The following MMAA variants were observed in gnomAD, a reference collection of about 807,000 sequenced individuals.
MMAA encodes the protein metabolism of cobalamin associated A.
Under a neutral mutation model 45.0 loss-of-function variants are expected in MMAA, and 41 were observed. The ratio of observed to expected loss-of-function variants is 0.91; its 90% CI spans 0.71 to 1.18. MMAA has a LOEUF of 1.18. Among genes scored for constraint, MMAA ranks in the 50% most tolerant of loss-of-function variants. The pLI, the probability that MMAA is intolerant of heterozygous loss-of-function variation, is 0.00. For synonymous variants in MMAA, 154 were observed against 178.2 expected (o/e 0.86, Z 1.08); for missense variants, 460 against 495.7 (o/e 0.93, Z 0.68).
At chr4:145,630,793 A>G (rs1402750968) in intron 1 of MMAA, among the ~76,000 whole-genome samples, 1 of 152,144 alleles carries the variant, frequency 6.6e-6, no homozygotes, top group Non-Finnish European at 1.5e-5. Flanking sequence ...ACGTATAGCT[A>G]TAAACTTCCC....
At chr4:145,625,512 A>G in intron 1 of MMAA, 2 of 735,562 alleles carry the variant, frequency 2.7e-6, no homozygotes, top group Non-Finnish European at 5.1e-6. Context: ...GAAGGGCCCA[A>G]TATTTGATGA....
At chr4:145,640,035 T>C (rs1394595815) in intron 2 of MMAA, among the ~76,000 whole-genome samples, 4 of 152,216 alleles carry the variant, frequency 2.6e-5, no homozygotes, top group African/African-American at 4.8e-5. Flanking sequence ...GTACTTTTTA[T>C]TGAGTTTCTC....
At chr4:145,646,191 A>G (rs371897312) in intron 4 of MMAA, 35 bp downstream of exon 4, 12 of 1,607,854 alleles carry the variant, frequency 7.5e-6, no homozygotes, top group South Asian at 5.5e-5. Context: ...ACAATGTACT[A>G]TTTTATGAAT....
At position 145,655,545 on chromosome 4, in the gene MMAA, CTTTG is replaced by C. The variant is rs1728207202; in HGVS notation, c.*117_*120del. ...AATTATTGTATGGTGCTCTTGTCTT[CTTTG>C]TTTGTGACCCATGCTTGAAAACTTG... is the stretch of plus-strand genomic sequence containing the variant. On this transcript the variant is annotated 3_prime_UTR_variant, in exon 7 of 7. Transcript: ENST00000649156. The C allele has an allele frequency of 1.9e-6, 2 of 1,080,796 alleles. No individual in the cohort carries two copies. Among genetic ancestry groups the C allele is most frequent in the Non-Finnish European group, 1.3e-6 (1 of 767,664 alleles). The allele number at this position is 1,080,796 out of a possible 1,614,324, so 67.0% of individuals were successfully genotyped here.
chr4:145,638,182 A>G (rs757447770), intron 1 of MMAA, among the ~76,000 whole-genome samples: 10 of 152,024 alleles, frequency 6.6e-5, no homozygotes, highest in African/African-American at 1.2e-4. Flanking sequence ...GTCCTGGCTA[A>G]CACAGTGAAA....
Position 145,639,585 on chromosome 4 carries a change from C to CT in MMAA, c.439+13dup. 2 of 1,603,498 alleles carry CT rather than the reference C, an allele frequency of 1.2e-6. No homozygotes were observed. Among genetic ancestry groups the CT allele is most frequent in the Non-Finnish European group, 1.7e-6 (2 of 1,174,092 alleles). On this transcript the variant is annotated splice_region_variant and intron_variant, in intron 2 of 6. Coordinates refer to ENST00000649156, the MANE Select transcript of MMAA (RefSeq NM_172250.3). ...CCACTAGCATTTCGAGTAGGTCAGT[C>CT]TTTTTTGTGTGTTTTCTCAGTAAAT...
At chr4:145,623,945 A>T (rs1342539943) in intron 1 of MMAA, among the ~76,000 whole-genome samples, 1 of 152,232 alleles carries the variant, frequency 6.6e-6, no homozygotes, top group Non-Finnish European at 1.5e-5. Flanking sequence ...GAAGGAAGGA[A>T]CTGAATCAGC....
At position 145,654,099 on chromosome 4, in the gene MMAA, G is replaced by A; in HGVS notation, c.925G>A (p.Ala309Thr). The A allele has an allele frequency of 6.2e-7, 1 of 1,614,144 alleles. No homozygotes were observed. Among genetic ancestry groups the A allele is most frequent in the Non-Finnish European group, 8.5e-7 (1 of 1,180,016 alleles). Reference sequence around the variant, plus strand: ...AAGGATACAAGCGGAATATGTGAGTGCACTGAAATTACTCCGCAAACGTTC... The same window carrying A: ...AAGGATACAAGCGGAATATGTGAGTACACTGAAATTACTCCGCAAACGTTC... The part of the protein sequence containing the change: ...ARRIQAEYVS[A>T]LKLLRKRSQV... The change falls in exon 6 of 7, where the codon GCA becomes ACA. Residue 309 changes from alanine to threonine, a missense_variant. By Grantham distance (58) the Ala-to-Thr change is moderately conservative. Transcript: ENST00000649156.
rs997162206 is a variant in MMAA, at chr4:145,647,958, G to A, written c.733+1802G>A. ...TGCAACCTCCGCCTCCCGGGTTCAC[G>A]CCATTCTCCTACCTCAGCCTCCCCA... On this transcript the variant is annotated intron_variant, in intron 4 of 6. Coordinates refer to ENST00000649156, the MANE Select transcript of MMAA (RefSeq NM_172250.3). Among the ~76,000 whole-genome samples, 6 of 142,706 alleles carry A rather than the reference G, an allele frequency of 4.2e-5. No homozygotes were observed. In the East Asian group the frequency reaches 8.6e-4, roughly 20 times the overall value. The allele number at this position is 142,706 out of a possible 152,430, so 93.6% of individuals were successfully genotyped here. A position where few individuals can be genotyped will look rare whatever the true frequency, so the allele number is the denominator to read the frequency against.
At position 145,631,112 on chromosome 4, in the gene MMAA, T is replaced by C. The variant is rs187688836; in HGVS notation, c.-65-7963T>C. 3.6e-3 allele frequency among the ~76,000 whole-genome samples: 549 copies of C among 152,350 alleles called. 2 individuals carry two copies. Among genetic ancestry groups the C allele is most frequent in the African/African-American group, 0.012 (500 of 41,592 alleles). On this transcript the variant is annotated intron_variant, in intron 1 of 6. Coordinates refer to ENST00000649156, the MANE Select transcript of MMAA (RefSeq NM_172250.3). ...ATGATCCATGTACCAAAGAGAAGAA[T>C]GTGTTTTCCACAGCCATTGGATGAA...
chr4:145,633,387 G>A (rs928297401), intron 1 of MMAA, among the ~76,000 whole-genome samples: 10 of 150,964 alleles, frequency 6.6e-5, no homozygotes, highest in South Asian at 2.1e-4. Context: ...TAGTAGAGAC[G>A]GGGTTTCACC....
chr4:145,638,105 C>T (rs932032105), intron 1 of MMAA, among the ~76,000 whole-genome samples: 9 of 152,002 alleles, frequency 5.9e-5, no homozygotes, highest in African/African-American at 2.2e-4. Context: ...CGTGGGGGCT[C>T]ATGCCTGTAA....
At chr4:145,625,367 G>A (rs1003184333) in intron 1 of MMAA, 11 of 702,216 alleles carry the variant, frequency 1.6e-5, no homozygotes, top group Non-Finnish European at 2.7e-5. Flanking sequence ...CCAGTCCTGG[G>A]GGTTGGTGCT....
rs763324433 is a variant in MMAA, at chr4:145,646,097, A to G, written c.674A>G (p.Asn225Ser). The change falls in exon 4 of 7, where the codon AAT becomes AGT. Residue 225 changes from asparagine to serine, a missense_variant. Transcript: ENST00000649156. ...TTAGGAGGCGTGACAAGGACCACAAATGAAGCTATTCTGTTGTGTGAAGGA... is the reference window on the plus strand; with the variant it reads ...TTAGGAGGCGTGACAAGGACCACAAGTGAAGCTATTCTGTTGTGTGAAGGA... ...GTLGGVTRTT[N>S]EAILLCEGAG... 1.2e-6 allele frequency: 2 copies of G among 1,614,128 alleles called. No homozygotes were observed. The highest frequency in any genetic ancestry group is 1.1e-5 in the South Asian group (1 of 91,086).
At position 145,659,586 on chromosome 4, in the gene MMAA, C is replaced by G. The variant is rs1303182351; in HGVS notation, c.*4152C>G. 6.6e-6 allele frequency: 1 copy of G among 151,770 alleles called. No homozygotes were observed. Among genetic ancestry groups the G allele is most frequent in the Non-Finnish European group, 1.5e-5 (1 of 67,960 alleles). 9.4% of individuals were successfully genotyped at this position (151,770 alleles called of 1,614,324 possible). ...AACTAACACAGAAGAAATCATGTGACCTCATTCTCAAAGCTCGTAACATCC... is the reference window on the plus strand; with the variant it reads ...AACTAACACAGAAGAAATCATGTGAGCTCATTCTCAAAGCTCGTAACATCC... On this transcript the variant is annotated 3_prime_UTR_variant, in exon 7 of 7. Transcript: ENST00000649156.
At chr4:145,626,312 G>A (rs549479294) in intron 1 of MMAA, among the ~76,000 whole-genome samples, 3 of 152,314 alleles carry the variant, frequency 2.0e-5, no homozygotes, top group African/African-American at 7.2e-5. Context: ...GCTCATACAA[G>A]GCTGAGTTAT....
chr4:145,624,916 G>A (rs1578868443), intron 1 of MMAA: 3 of 1,485,954 alleles, frequency 2.0e-6, no homozygotes, highest in Admixed American at 1.7e-5. Flanking sequence ...TGGTCATGCA[G>A]GCACTTAGAT....
rs112975623 is a variant in MMAA at position 145,639,499 on chromosome 4, G to A, written c.360G>A (p.Gln120=). The change falls in exon 2 of 7, where the codon CAG becomes CAA. Residue 120 remains glutamine (Q), a synonymous_variant. Transcript: ENST00000649156. ...STHSRKKELA[Q]VLLQKVLLYH... ...ACAGCAGGAAAAAGGAGTTAGCCCA[G>A]GTGCTTCTTCAGAAAGTATTACTTT... 1 of 1,613,890 alleles carries A rather than the reference G, an allele frequency of 6.2e-7. No homozygotes were observed. The highest frequency in any genetic ancestry group is 1.1e-5 in the South Asian group (1 of 91,042).
intron 1 of MMAA, among the ~76,000 whole-genome samples, chr4:145,633,196 CTTTTTTTTTTT>C (rs941603291): frequency 1.1e-5 from 1 of 88,476 alleles, no homozygotes; most frequent in African/African-American, 5.0e-5. Flanking sequence ...ATTTCTTTTT[CTTTTTTTTTTT>C]TTTTTTTTTT....
Sources: allele counts gnomAD v4.1 joint callset (sites outside exome capture counted in the v4.1 genomes callset), GRCh38; gene constraint gnomAD v4.1.1; transcripts MANE v1.5; gene names NCBI Gene and HGNC (gene_info 2026-07-23, HGNC 2026-07-21).